The following MORC1 variants were observed in gnomAD, a reference collection of about 807,000 sequenced individuals.
MORC1 encodes the protein MORC family CW-type zinc finger protein 1.
A neutral mutation model predicts 134.9 loss-of-function variants in MORC1; 59 were observed. That is an observed-to-expected ratio of 0.44 (90% CI 0.35 to 0.54). The LOEUF is 0.54. Ranked by LOEUF, MORC1 falls within the 20% of genes least tolerant of loss-of-function variation. The pLI is 0.00. For synonymous variants in MORC1, 395 were observed against 391.7 expected, an observed-to-expected ratio of 1.01 and a Z score of -0.10; for missense variants, 947 against 1,134.5, an observed-to-expected ratio of 0.83 and a Z score of 2.37.
intron 23 of MORC1, among the ~76,000 whole-genome samples, 172 bp downstream of exon 23, chr3:108,984,544 T>TGG (rs3214774): frequency 0.42 from 63,783 of 151,902 alleles, 14,044 homozygotes; most frequent in Middle Eastern, 0.55. Context: ...TGAAAAGGTT[T>TGG]GGGGGTAAGG....
Position 109,005,207 on chromosome 3 carries a change from C to T in MORC1, c.1876G>A (p.Glu626Lys). The T allele has an allele frequency of 1.9e-6, 3 of 1,613,954 alleles. No homozygotes were observed. The highest frequency in any genetic ancestry group is 2.5e-6 in the Non-Finnish European group (3 of 1,179,958). The change falls in exon 19 of 28, where the codon GAA becomes AAA. Residue 626 changes from glutamate to lysine, a missense_variant. Around this residue, in one of 3 missense-constraint regions of MORC1, gnomAD observed 722 missense variants for 817.0 expected, o/e 0.88. Transcript: ENST00000232603. ...ASRRGQKRNI[E>K]ETDSDVEYIS... ...TACTCTACATCAGAGTCTGTCTCTT[C>T]TATGTTTCTTTTCTGTCCTCTACGG...
At chr3:109,076,535 T>C (rs1340238882) in intron 8 of MORC1, among the ~76,000 whole-genome samples, 1 of 152,218 alleles carries the variant, frequency 6.6e-6, no homozygotes, top group African/African-American at 2.4e-5. Flanking sequence ...CACGTATGTT[T>C]ATTGCAGCAC....
intron 3 of MORC1, among the ~76,000 whole-genome samples, chr3:109,105,510 G>A (rs552638916): frequency 2.6e-4 from 40 of 152,004 alleles, no homozygotes; most frequent in African/African-American, 7.7e-4. Flanking sequence ...GCGACAGAGC[G>A]AAACTCCATC....
intron 11 of MORC1, among the ~76,000 whole-genome samples, chr3:109,061,010 T>C (rs1950069163): frequency 6.7e-6 from 1 of 149,786 alleles, no homozygotes; most frequent in African/African-American, 2.5e-5. Context: ...AAAAAAAAAC[T>C]AAGAGAATTT....
At chr3:108,978,257 C>T (rs1272089659) in intron 24 of MORC1, among the ~76,000 whole-genome samples, 1 of 152,214 alleles carries the variant, frequency 6.6e-6, no homozygotes, top group Non-Finnish European at 1.5e-5. Flanking sequence ...TAGTGGAAGA[C>T]TGCCAACCAG....
At chr3:108,972,648 T>C (rs2107402471) in intron 24 of MORC1, among the ~76,000 whole-genome samples, 1 of 152,216 alleles carries the variant, frequency 6.6e-6, no homozygotes, top group East Asian at 1.9e-4. Context: ...AAAAGAAAAG[T>C]TGCAACAGGA....
intron 14 of MORC1, chr3:109,049,006 G>A (rs1013302708): frequency 1.7e-5 from 4 of 234,364 alleles, no homozygotes; most frequent in South Asian, 1.5e-4. Flanking sequence ...TAAGTAAAAC[G>A]GGTACATACA....
chr3:108,968,016 T>C (rs1194240090), intron 26 of MORC1, among the ~76,000 whole-genome samples: 1 of 152,180 alleles, frequency 6.6e-6, no homozygotes, highest in Non-Finnish European at 1.5e-5. Flanking sequence ...ACCAAAGTTG[T>C]GAGGATAAAT....
At position 109,094,897 on chromosome 3, in the gene MORC1, T is replaced by C; in HGVS notation, c.583+12A>G. ...TACTTCCATCAAATTGTCAGAGTTT[T>C]GATGATCTTACCACATTTTCCATAG... On this transcript the variant is annotated intron_variant, in intron 7 of 27. Coordinates refer to ENST00000232603, the MANE Select transcript of MORC1 (RefSeq NM_014429.4). 1 of 1,546,046 alleles carries C rather than the reference T, an allele frequency of 6.5e-7. No homozygotes were observed. Among genetic ancestry groups the C allele is most frequent in the Non-Finnish European group, 8.7e-7 (1 of 1,155,600 alleles).
chr3:109,044,416 G>A (rs979098551), intron 14 of MORC1, among the ~76,000 whole-genome samples: 1 of 151,874 alleles, frequency 6.6e-6, no homozygotes, highest in African/African-American at 2.4e-5. Context: ...AAATTAGCCA[G>A]GCATGGTGGC....
intron 14 of MORC1, among the ~76,000 whole-genome samples, chr3:109,048,688 A>G (rs1453851668): frequency 1.3e-5 from 2 of 152,128 alleles, no homozygotes; most frequent in East Asian, 3.9e-4. Context: ...AGGCTTCCCT[A>G]CTTTGCTTAC....
intron 14 of MORC1, among the ~76,000 whole-genome samples, chr3:109,046,306 G>A (rs1949695636): frequency 6.6e-6 from 1 of 152,046 alleles, no homozygotes; most frequent in African/African-American, 2.4e-5. Context: ...AAACAACACT[G>A]GGGAAAATTA....
chr3:109,034,531 AC>A (rs1235476721), intron 15 of MORC1, among the ~76,000 whole-genome samples: 1 of 152,128 alleles, frequency 6.6e-6, no homozygotes, highest in East Asian at 1.9e-4. Flanking sequence ...TAACACCTTT[AC>A]CCAACCTAAT....
chr3:109,068,087 G>C (rs1950238890), intron 9 of MORC1, among the ~76,000 whole-genome samples: 1 of 152,184 alleles, frequency 6.6e-6, no homozygotes, highest in Non-Finnish European at 1.5e-5. Flanking sequence ...CTAACACACA[G>C]TGTTACTGCA....
intron 13 of MORC1, 74 bp from the exon 14 acceptor site, chr3:109,054,956 G>T (rs2107669240): frequency 1.5e-6 from 2 of 1,333,048 alleles, no homozygotes; most frequent in Non-Finnish European, 2.1e-6. Flanking sequence ...CTGGTCATTT[G>T]AAATCATTTT....
Position 109,079,877 on chromosome 3 carries a change from G to A in MORC1, c.690-10120C>T, listed in dbSNP as rs1026370847. ...AAAAATCTTATATGAATACCAAGAA[G>A]AGTCATAAAATACCCAAAAATATAC... On this transcript the variant is annotated intron_variant, in intron 8 of 27. Coordinates refer to ENST00000232603, the MANE Select transcript of MORC1 (RefSeq NM_014429.4). 5.9e-5 allele frequency among the ~76,000 whole-genome samples: 9 copies of A among 151,994 alleles called. 1 individual carries two copies. The highest frequency in any genetic ancestry group is 1.3e-4 in the Admixed American group (2 of 15,248).
chr3:108,991,802 G>A (rs1184895187), intron 21 of MORC1, among the ~76,000 whole-genome samples: 1 of 152,092 alleles, frequency 6.6e-6, no homozygotes, highest in African/African-American at 2.4e-5. Flanking sequence ...CCCCATCAAT[G>A]CTCTTCATTC....
chr3:108,992,680 T>C (rs1158633344), intron 21 of MORC1, among the ~76,000 whole-genome samples: 1 of 152,312 alleles, frequency 6.6e-6, no homozygotes. Flanking sequence ...AAAAATTGTA[T>C]CAACTAAATA....
intron 17 of MORC1, among the ~76,000 whole-genome samples, chr3:109,013,523 C>T (rs1373469054): frequency 1.3e-5 from 2 of 152,188 alleles, no homozygotes; most frequent in African/African-American, 2.4e-5. Context: ...CTGTTGCCTG[C>T]TGGCTATTGC....
Sources: allele counts gnomAD v4.1 joint callset (sites outside exome capture counted in the v4.1 genomes callset), GRCh38; gene constraint gnomAD v4.1.1; regional missense constraint gnomAD v4.1.1; transcripts MANE v1.5; gene names NCBI Gene and HGNC (gene_info 2026-07-23, HGNC 2026-07-21).